The following RARB variants were observed in gnomAD, a reference collection of about 807,000 sequenced individuals.
RARB encodes the protein HBV-activated protein.
In RARB, 17 loss-of-function variants were observed where a neutral mutation model predicts 51.9. The ratio of observed to expected loss-of-function variants is 0.33; its 90% CI spans 0.22 to 0.49. The LOEUF (loss-of-function observed/expected upper bound fraction) is 0.49, where lower values mean the gene tolerates loss of function less well. Ranked by LOEUF, RARB falls within the 20% of genes least tolerant of loss-of-function variation. The pLI is 0.99. For missense variants in RARB, 369 were observed against 550.8 expected (o/e 0.67, Z 3.30); for synonymous variants, 215 against 195.4 (o/e 1.10, Z -0.84).
chr3:24,900,899 TAAC>T (rs1238181984), intron 2 of RARB, among the ~76,000 whole-genome samples: 11 of 152,288 alleles, frequency 7.2e-5, no homozygotes, highest in Admixed American at 3.3e-4. Flanking sequence ...GTTTTAAAAA[TAAC>T]AATTCATTTA....
chr3:24,906,987 C>T (rs944338877), intron 2 of RARB, among the ~76,000 whole-genome samples: 4 of 151,886 alleles, frequency 2.6e-5, no homozygotes, highest in Admixed American at 6.6e-5. Context: ...TTTCACAAGC[C>T]AGGAGACAGT....
At chr3:24,831,012 C>T (rs1432534929) in intron 1 of RARB, among the ~76,000 whole-genome samples, 1 of 152,146 alleles carries the variant, frequency 6.6e-6, no homozygotes, top group East Asian at 1.9e-4. Flanking sequence ...AAGTCTAAAA[C>T]CCTCTCTGAA....
chr3:25,256,873 TGAAG>T (rs1702879107), intron 5 of RARB, among the ~76,000 whole-genome samples: 1 of 151,942 alleles, frequency 6.6e-6, no homozygotes, highest in Non-Finnish European at 1.5e-5. Flanking sequence ...TTAGAGGTCG[TGAAG>T]GATAGTTTAT....
intron 1 of RARB, chr3:25,441,481 T>C: frequency 6.0e-6 from 1 of 167,694 alleles, no homozygotes; most frequent in Non-Finnish European, 1.3e-5. Flanking sequence ...GCCAGTTTCT[T>C]CCCGGATGCT....
chr3:25,528,259 GCCA>G (rs1306349347), intron 3 of RARB, among the ~76,000 whole-genome samples: 2 of 152,198 alleles, frequency 1.3e-5, no homozygotes, highest in African/African-American at 4.8e-5. Flanking sequence ...TGCCCAGATG[GCCA>G]GCATTTGATT....
At chr3:25,184,064 A>G (rs1403448580) in intron 5 of RARB, among the ~76,000 whole-genome samples, 1 of 152,134 alleles carries the variant, frequency 6.6e-6, no homozygotes, top group Admixed American at 6.6e-5. Flanking sequence ...CTTGGCCCCT[A>G]CCATTGTCTT....
At chr3:25,396,570 A>C (rs1470970960) in intron 5 of RARB, among the ~76,000 whole-genome samples, 2 of 152,138 alleles carry the variant, frequency 1.3e-5, no homozygotes, top group Non-Finnish European at 2.9e-5. Flanking sequence ...ATAAGTATTC[A>C]AGTTAGTAGG....
intron 3 of RARB, among the ~76,000 whole-genome samples, chr3:25,562,384 T>C (rs1220261676): frequency 6.6e-6 from 1 of 152,196 alleles, no homozygotes; most frequent in Non-Finnish European, 1.5e-5. Flanking sequence ...ATGCCATAAA[T>C]AAAAGGCTTC....
chr3:25,072,656 C>G (rs1698790702), intron 3 of RARB, among the ~76,000 whole-genome samples: 1 of 152,098 alleles, frequency 6.6e-6, no homozygotes, highest in Non-Finnish European at 1.5e-5. Flanking sequence ...GTGTGAAATT[C>G]AGCAGGCTTA....
chr3:25,459,180 C>G (rs1057498487), intron 1 of RARB, among the ~76,000 whole-genome samples: 3 of 152,228 alleles, frequency 2.0e-5, no homozygotes, highest in Admixed American at 2.0e-4. Flanking sequence ...TGGAGAGGGG[C>G]ATTTTAATGA....
intron 2 of RARB, among the ~76,000 whole-genome samples, chr3:25,476,364 C>G (rs570164590): frequency 6.6e-6 from 1 of 152,146 alleles, no homozygotes; most frequent in Non-Finnish European, 1.5e-5. Context: ...GGTCCCCTCC[C>G]CAGCAATATC....
chr3:25,106,404 T>A (rs1273863833), intron 3 of RARB, among the ~76,000 whole-genome samples: 1 of 151,228 alleles, frequency 6.6e-6, no homozygotes, highest in Non-Finnish European at 1.5e-5. Context: ...GCCTCCCGAG[T>A]AGCTGGGATT....
At chr3:25,533,231 A>G (rs1421333685) in intron 3 of RARB, among the ~76,000 whole-genome samples, 1 of 152,198 alleles carries the variant, frequency 6.6e-6, no homozygotes, top group African/African-American at 2.4e-5. Flanking sequence ...ATAATATTAT[A>G]CTTTATACCA....
intron 5 of RARB, among the ~76,000 whole-genome samples, chr3:25,267,007 C>T (rs1460547376): frequency 1.3e-5 from 2 of 152,210 alleles, no homozygotes; most frequent in East Asian, 3.9e-4. Context: ...AACCACAAAG[C>T]TGCCTGTAGT....
chr3:24,998,232 G>T (rs1697083386), intron 2 of RARB, among the ~76,000 whole-genome samples: 1 of 149,176 alleles, frequency 6.7e-6, no homozygotes, highest in Non-Finnish European at 1.5e-5. Context: ...CCCTTTGGCT[G>T]CTCTTACCTC....
chr3:25,095,359 G>A (rs748672950), intron 3 of RARB, among the ~76,000 whole-genome samples: 2 of 152,192 alleles, frequency 1.3e-5, no homozygotes, highest in Non-Finnish European at 2.9e-5. Context: ...AGCAACATCA[G>A]CACCATCTGG....
chr3:25,463,489 C>T (rs1435714462), intron 2 of RARB, among the ~76,000 whole-genome samples: 3 of 151,994 alleles, frequency 2.0e-5, no homozygotes, highest in South Asian at 2.1e-4. Flanking sequence ...ATGGTGAAAC[C>T]CCATCTCTAC....
intron 5 of RARB, among the ~76,000 whole-genome samples, chr3:25,234,418 C>G (rs1279897091): frequency 6.6e-6 from 1 of 152,138 alleles, no homozygotes; most frequent in African/African-American, 2.4e-5. Flanking sequence ...GTTTGTCAGT[C>G]TGGCTAGATG....
chr3:25,551,238 G>GT (rs1699841054), intron 3 of RARB, among the ~76,000 whole-genome samples: 1 of 152,178 alleles, frequency 6.6e-6, no homozygotes, highest in Non-Finnish European at 1.5e-5. Context: ...AATGAGTAAG[G>GT]AGTCATCTGT....
Sources: gnomAD v4.1 joint callset for allele counts (sites outside exome capture counted in the v4.1 genomes callset) on GRCh38, gnomAD v4.1.1 for gene constraint, MANE v1.5 for transcripts, NCBI Gene and HGNC (gene_info 2026-07-23, HGNC 2026-07-21) for gene names.